SPRED2: variants seen among roughly 807,000 people sequenced by gnomAD.
The protein encoded by SPRED2 is sprouty-related, EVH1 domain-containing protein 2.
In SPRED2, 47 loss-of-function variants were observed where a neutral mutation model predicts 43.0. The observed-to-expected ratio is 1.09, with a 90% CI of 0.87 to 1.40. The LOEUF is 1.40. SPRED2 is among the 40% of genes most tolerant of loss of function. The pLI is 0.00. For synonymous variants in SPRED2, 225 were observed against 225.7 expected, an observed-to-expected ratio of 1.00 and a Z score of 0.03; for missense variants, 561 against 586.4, an observed-to-expected ratio of 0.96 and a Z score of 0.45.
intron 1 of SPRED2, among the ~76,000 whole-genome samples, chr2:65,398,051 A>G (rs918200815): frequency 1.3e-5 from 2 of 152,250 alleles, no homozygotes; most frequent in Admixed American, 6.5e-5. Flanking sequence ...ACATAGACCA[A>G]TGGAACAGAA....
chr2:65,370,257 C>T (rs544556771), intron 1 of SPRED2, among the ~76,000 whole-genome samples: 5 of 152,290 alleles, frequency 3.3e-5, no homozygotes, highest in South Asian at 4.1e-4. Context: ...GGTATAAATG[C>T]GACCATTCGC....
chr2:65,354,083 G>A (rs1674580981), intron 1 of SPRED2, among the ~76,000 whole-genome samples: 1 of 152,208 alleles, frequency 6.6e-6, no homozygotes, highest in Non-Finnish European at 1.5e-5. Flanking sequence ...AGTTAAACAC[G>A]TAAGCTTTAC....
chr2:65,313,030 G>A lies in SPRED2; in HGVS notation c.*471C>T. 1.0e-6 allele frequency: 1 copy of A among 986,722 alleles called. No individual in the cohort carries two copies. The highest frequency in any genetic ancestry group is 4.7e-5 in the South Asian group (1 of 21,298). 61.1% of individuals were successfully genotyped at this position (986,722 alleles called of 1,614,324 possible). On this transcript the variant is annotated 3_prime_UTR_variant, in exon 6 of 6. Coordinates refer to ENST00000356388, the MANE Select transcript of SPRED2 (RefSeq NM_181784.3). ...ATCATTCTCACATCCCATTTCCGCT[G>A]AACCAGATGCTTGCTAGCGACAGGC...
Position 65,334,704 on chromosome 2 carries a change from T to A in SPRED2, c.274A>T (p.Lys92Ter). The A allele has an allele frequency of 6.2e-7, 1 of 1,614,206 alleles. No individual in the cohort carries two copies. Among genetic ancestry groups the A allele is most frequent in the Non-Finnish European group, 8.5e-7 (1 of 1,180,026 alleles). ...TKANPTFHHWKVDNRKFGLTF... is the reference protein window; with the variant it reads ...TKANPTFHHW ...AGTCCAAACTTCCTATTATCGACCT[T>A]CCAGTGATGAAACGTTGGATTGGCT... Residue 92 changes from lysine to a stop codon, truncating the protein, a stop_gained, in exon 3 of 6, where the codon AAG becomes TAG. Transcript: ENST00000356388. LOFTEE classifies it high-confidence loss of function.
chr2:65,396,555 A>C (rs991058598), intron 1 of SPRED2, among the ~76,000 whole-genome samples: 3 of 152,250 alleles, frequency 2.0e-5, no homozygotes, highest in African/African-American at 4.8e-5. Context: ...TTTGGAGCAA[A>C]GGCAAGAGGG....
intron 1 of SPRED2, among the ~76,000 whole-genome samples, chr2:65,347,270 A>T (rs1674378498): frequency 6.6e-6 from 1 of 152,034 alleles, no homozygotes; most frequent in African/African-American, 2.4e-5. Context: ...AGTGGAGTTA[A>T]ATCCTACCAT....
At position 65,313,690 on chromosome 2, in the gene SPRED2, G is replaced by A. The variant is rs1469959013; in HGVS notation, c.1068C>T (p.Asp356=). Residue 356 remains aspartate, a synonymous_variant, in exon 6 of 6, where the codon GAC becomes GAT. Coordinates refer to ENST00000356388, the MANE Select transcript of SPRED2 (RefSeq NM_181784.3). The stretch of plus-strand genomic sequence containing the variant: ...AAGGGTCTGTATAGTCTCCCTCGGG[G>A]TCCGACATACAGTGATAGAGCATGC... The part of the protein sequence containing the change: ...ADSMLYHCMS[D]PEGDYTDPCS... 9 of 1,614,060 alleles carry A rather than the reference G, an allele frequency of 5.6e-6. No homozygotes were observed. Among genetic ancestry groups the A allele is most frequent in the Non-Finnish European group, 7.6e-6 (9 of 1,180,034 alleles).
chr2:65,426,679 G>A (rs987360690), intron 1 of SPRED2, among the ~76,000 whole-genome samples: 22 of 152,196 alleles, frequency 1.4e-4, no homozygotes, highest in African/African-American at 5.3e-4. Flanking sequence ...AAACGCAATG[G>A]CTCAGAGATG....
chr2:65,329,964 C>T (rs1351506803), intron 4 of SPRED2, among the ~76,000 whole-genome samples: 2 of 152,208 alleles, frequency 1.3e-5, no homozygotes, highest in Admixed American at 6.5e-5. Flanking sequence ...CTATGCACCA[C>T]GCAAACCCCT....
At chr2:65,401,935 G>GCACACACACACACACA (rs544327137) in intron 1 of SPRED2, among the ~76,000 whole-genome samples, 1 of 89,306 alleles carries the variant, frequency 1.1e-5, no homozygotes, top group African/African-American at 3.6e-5. Flanking sequence ...TAGCGCGCGC[G>GCACACACACACACACA]CGCACACACA....
At chr2:65,404,712 A>G (rs2103738321) in intron 1 of SPRED2, among the ~76,000 whole-genome samples, 1 of 152,200 alleles carries the variant, frequency 6.6e-6, no homozygotes, top group East Asian at 1.9e-4. Flanking sequence ...GGGACACAAG[A>G]TCAAAGAGAA....
chr2:65,323,006 A>G (rs546763567), intron 4 of SPRED2, among the ~76,000 whole-genome samples: 2 of 152,046 alleles, frequency 1.3e-5, no homozygotes, highest in Non-Finnish European at 2.9e-5. Flanking sequence ...TTATTTATTT[A>G]TTTTTTGAGA....
intron 1 of SPRED2, among the ~76,000 whole-genome samples, chr2:65,382,513 A>G (rs1235852133): frequency 6.6e-6 from 1 of 152,216 alleles, no homozygotes. Context: ...TTTCAAAGCC[A>G]CAACTGGCAG....
chr2:65,398,207 C>A (rs34561152), intron 1 of SPRED2, among the ~76,000 whole-genome samples: 16,708 of 152,196 alleles, frequency 0.11, 1,366 homozygotes, highest in Non-Finnish European at 0.16. Context: ...GAAACTGGAT[C>A]CTCATCTCTC....
At chr2:65,421,425 G>T (rs976620336) in intron 1 of SPRED2, among the ~76,000 whole-genome samples, 4 of 152,216 alleles carry the variant, frequency 2.6e-5, no homozygotes, top group African/African-American at 9.6e-5. Context: ...TTCCTGGGGA[G>T]TTTGTTAAGA....
intron 1 of SPRED2, among the ~76,000 whole-genome samples, chr2:65,365,717 T>C (rs537542954): frequency 1.3e-5 from 2 of 152,324 alleles, no homozygotes; most frequent in African/African-American, 2.4e-5. Flanking sequence ...CATCTGTCCC[T>C]AACAAGCAAG....
intron 1 of SPRED2, among the ~76,000 whole-genome samples, chr2:65,373,124 A>G (rs1675168099): frequency 6.6e-6 from 1 of 152,220 alleles, no homozygotes; most frequent in Non-Finnish European, 1.5e-5. Context: ...ATGGAGTTAG[A>G]AATCTTGCAA....
chr2:65,388,804 A>C (rs773806495), intron 1 of SPRED2, among the ~76,000 whole-genome samples: 1 of 152,138 alleles, frequency 6.6e-6, no homozygotes, highest in Non-Finnish European at 1.5e-5. Context: ...AACCCTGAGC[A>C]TGTGGTTTCA....
intron 1 of SPRED2, among the ~76,000 whole-genome samples, chr2:65,393,209 G>T (rs890873623): frequency 6.6e-6 from 1 of 151,968 alleles, no homozygotes; most frequent in Non-Finnish European, 1.5e-5. Flanking sequence ...TTGCGAATGT[G>T]GCATCTCTCC....
Sources: gnomAD v4.1 joint callset for allele counts (sites outside exome capture counted in the v4.1 genomes callset) on GRCh38, gnomAD v4.1.1 for gene constraint, MANE v1.5 for transcripts, NCBI Gene and HGNC (gene_info 2026-07-23, HGNC 2026-07-21) for gene names.